Variants in TTC28 observed in about 807,000 individuals in gnomAD.
TTC28 encodes the protein tetratricopeptide repeat domain 28, also known as tetratricopeptide repeat protein 28.
Under a neutral mutation model 198.0 loss-of-function variants are expected in TTC28, and 61 were observed. The ratio of observed to expected loss-of-function variants is 0.31; its 90% confidence interval spans 0.25 to 0.38. The LOEUF (loss-of-function observed/expected upper bound fraction) is 0.38. TTC28 is among the 10% of genes least tolerant of loss of function. The probability of loss-of-function intolerance (pLI) is 1.00; values close to 1 mark genes in which losing one functional copy is unlikely to be tolerated. For missense variants in TTC28, 2,678 were observed against 3,164.0 expected, an observed-to-expected ratio of 0.85 and a Z score of 3.69; for synonymous variants, 1,171 against 1,297.8, an observed-to-expected ratio of 0.90 and a Z score of 2.10.
intron 17 of TTC28, 83 bp from the exon 18 acceptor site, chr22:27,993,601 A>C (rs1937493571): frequency 1.5e-6 from 2 of 1,378,968 alleles, no homozygotes; most frequent in South Asian, 2.9e-5. Flanking sequence ...ACAAAGCCCC[A>C]GGGTGAAGCC....
At chr22:28,642,666 A>C (rs1172399718) in intron 1 of TTC28, among the ~76,000 whole-genome samples, 1 of 152,216 alleles carries the variant, frequency 6.6e-6, no homozygotes, top group Non-Finnish European at 1.5e-5. Context: ...TAGAGAAAAC[A>C]AAATTAAGGC....
chr22:28,359,273 GTATCA>G (rs1336033534), intron 2 of TTC28, among the ~76,000 whole-genome samples: 3 of 152,042 alleles, frequency 2.0e-5, no homozygotes, highest in Non-Finnish European at 4.4e-5. Context: ...TCTATCTTAG[GTATCA>G]TATAAGAATC....
At chr22:28,184,573 AT>A (rs560811519) in intron 5 of TTC28, among the ~76,000 whole-genome samples, 6 of 151,568 alleles carry the variant, frequency 4.0e-5, no homozygotes, top group Middle Eastern at 3.2e-3. Context: ...ACATTTTTAA[AT>A]TTTTTTTTAC....
chr22:28,347,113 A>C (rs540042887), intron 2 of TTC28, among the ~76,000 whole-genome samples: 132 of 151,886 alleles, frequency 8.7e-4, no homozygotes, highest in African/African-American at 3.0e-3. Context: ...AAAATACAAA[A>C]ATTAGCTGGA....
intron 2 of TTC28, among the ~76,000 whole-genome samples, chr22:28,519,312 T>C (rs1032538950): frequency 6.6e-6 from 1 of 152,176 alleles, no homozygotes; most frequent in African/African-American, 2.4e-5. Context: ...CTTTGGTCAT[T>C]TTACTGAACT....
chr22:28,311,136 T>C (rs1347696276), intron 2 of TTC28, among the ~76,000 whole-genome samples: 1 of 152,218 alleles, frequency 6.6e-6, no homozygotes, highest in African/African-American at 2.4e-5. Flanking sequence ...TAAAATCTCC[T>C]GAAGAATAAT....
At chr22:28,284,336 G>C (rs925275420) in intron 5 of TTC28, among the ~76,000 whole-genome samples, 1 of 152,256 alleles carries the variant, frequency 6.6e-6, no homozygotes, top group South Asian at 2.1e-4. Flanking sequence ...CTGTAACTAA[G>C]GGATCACCGA....
At chr22:28,222,795 T>C (rs770509754) in intron 5 of TTC28, among the ~76,000 whole-genome samples, 1 of 152,110 alleles carries the variant, frequency 6.6e-6, no homozygotes, top group Non-Finnish European at 1.5e-5. Context: ...CAACAAGGAG[T>C]GGCTAGAAAC....
intron 2 of TTC28, among the ~76,000 whole-genome samples, chr22:28,326,913 A>C (rs1334587497): frequency 1.3e-5 from 2 of 151,812 alleles, no homozygotes; most frequent in African/African-American, 4.8e-5. Context: ...TATTATACTA[A>C]AGGCGTTTTT....
At chr22:28,538,060 C>A (rs1042787502) in intron 2 of TTC28, among the ~76,000 whole-genome samples, 5 of 152,074 alleles carry the variant, frequency 3.3e-5, no homozygotes, top group African/African-American at 7.2e-5. Context: ...GCATACATAT[C>A]TAATTTTAAT....
chr22:28,090,279 T>C (rs1307715499), intron 12 of TTC28, among the ~76,000 whole-genome samples: 1 of 152,048 alleles, frequency 6.6e-6, no homozygotes, highest in Non-Finnish European at 1.5e-5. Context: ...TTCATACCCA[T>C]ATTTTATATA....
chr22:28,157,904 G>A (rs1291142329), intron 6 of TTC28, among the ~76,000 whole-genome samples: 3 of 152,026 alleles, frequency 2.0e-5, no homozygotes, highest in Non-Finnish European at 2.9e-5. Context: ...TAGTACTGGA[G>A]GTCCTAGCTA....
At chr22:27,991,417 C>T (rs939840816) in intron 19 of TTC28, among the ~76,000 whole-genome samples, 1 of 152,102 alleles carries the variant, frequency 6.6e-6, no homozygotes, top group Non-Finnish European at 1.5e-5. Flanking sequence ...AACGAGCAGG[C>T]GTTAATACAC....
At chr22:28,223,929 C>G (rs1928086389) in intron 5 of TTC28, among the ~76,000 whole-genome samples, 1 of 152,198 alleles carries the variant, frequency 6.6e-6, no homozygotes, top group Non-Finnish European at 1.5e-5. Context: ...AATATTTGTA[C>G]AGACTAACAG....
chr22:28,018,318 C>T (rs866331728), intron 13 of TTC28, among the ~76,000 whole-genome samples: 2 of 37,900 alleles, frequency 5.3e-5, no homozygotes, highest in Middle Eastern at 0.019. Flanking sequence ...GGGGGGGGGG[C>T]GGGGAACCTG....
chr22:28,467,610 T>C (rs1430877913), intron 2 of TTC28, among the ~76,000 whole-genome samples: 4 of 152,348 alleles, frequency 2.6e-5, no homozygotes, highest in Admixed American at 1.3e-4. Context: ...GTGCTAGCAA[T>C]TGACAGATTC....
intron 2 of TTC28, among the ~76,000 whole-genome samples, chr22:28,563,130 T>G (rs36100499): frequency 0.052 from 7,887 of 151,802 alleles, 300 homozygotes; most frequent in African/African-American, 0.1. Context: ...CTCAAAATAA[T>G]AAGAAGAAGA....
intron 2 of TTC28, among the ~76,000 whole-genome samples, chr22:28,493,312 C>T (rs2048404233): frequency 6.6e-6 from 1 of 151,942 alleles, no homozygotes; most frequent in African/African-American, 2.4e-5. Flanking sequence ...GCAGAGATAA[C>T]GCCACTGCAT....
At chr22:28,106,162 A>C (rs1278635939) in intron 7 of TTC28, among the ~76,000 whole-genome samples, 1 of 152,210 alleles carries the variant, frequency 6.6e-6, no homozygotes, top group Admixed American at 6.5e-5. Context: ...AAATCACTTC[A>C]CAGTGGCTAT....
Sources: allele counts gnomAD v4.1 joint callset (sites outside exome capture counted in the v4.1 genomes callset), GRCh38; gene constraint gnomAD v4.1.1; transcripts MANE v1.5; gene names NCBI Gene and HGNC (gene_info 2026-07-23, HGNC 2026-07-21).